The following TRPC4 variants were observed in gnomAD, a reference collection of about 807,000 sequenced individuals.
TRPC4 encodes the protein short transient receptor potential channel 4.
A neutral mutation model predicts 99.4 loss-of-function variants in TRPC4; 49 were observed. The observed-to-expected ratio is 0.49, with a 90% CI of 0.39 to 0.63. The LOEUF is 0.63. Ranked by LOEUF, TRPC4 falls within the 20% of genes least tolerant of loss-of-function variation. TRPC4 has a pLI of 0.00. For missense variants in TRPC4, 898 were observed against 1,152.9 expected (o/e 0.78, Z 3.20); for synonymous variants, 454 against 425.9 (o/e 1.07, Z -0.81).
At chr13:37,702,530 T>C (rs1015563449) in intron 3 of TRPC4, among the ~76,000 whole-genome samples, 5 of 152,196 alleles carry the variant, frequency 3.3e-5, no homozygotes, top group African/African-American at 4.8e-5. Context: ...TTAGCCTAAA[T>C]TAATGTTCTG....
intron 3 of TRPC4, among the ~76,000 whole-genome samples, chr13:37,700,590 C>T (rs576638488): frequency 6.6e-6 from 1 of 152,176 alleles, no homozygotes; most frequent in Admixed American, 6.5e-5. Context: ...TTTGCTTTTC[C>T]CTTCTCTATT....
In TRPC4 at chr13:37,633,423, C is replaced by A. The variant is rs1031081392; in HGVS notation, c.*3480G>T. Among the ~76,000 whole-genome samples, 7 of 152,108 alleles carry A rather than the reference C, an allele frequency of 4.6e-5. No individual in the cohort carries two copies. The highest frequency in any genetic ancestry group is 7.4e-5 in the Non-Finnish European group (5 of 68,014). ...ATGAGGACTAAGAATGGACAGATTTCAAAACTTGGTGGCCTCTCTTCAATA... is the reference window on the plus strand; with the variant it reads ...ATGAGGACTAAGAATGGACAGATTTAAAAACTTGGTGGCCTCTCTTCAATA... On this transcript the variant is annotated 3_prime_UTR_variant, in exon 11 of 11. Transcript: ENST00000379705.
At chr13:37,678,405 A>C (rs1344729662) in intron 4 of TRPC4, among the ~76,000 whole-genome samples, 2 of 152,074 alleles carry the variant, frequency 1.3e-5, no homozygotes, top group Non-Finnish European at 2.9e-5. Context: ...ATAAATAATC[A>C]ATATCAGAAA....
At chr13:37,660,475 T>C (rs957089544) in intron 6 of TRPC4, among the ~76,000 whole-genome samples, 1 of 152,222 alleles carries the variant, frequency 6.6e-6, no homozygotes, top group Non-Finnish European at 1.5e-5. Flanking sequence ...AAATAAGATA[T>C]CTTGTATAGG....
At chr13:37,671,461 A>C (rs949804970) in intron 5 of TRPC4, among the ~76,000 whole-genome samples, 1 of 152,154 alleles carries the variant, frequency 6.6e-6, no homozygotes, top group African/African-American at 2.4e-5. Context: ...GTGTGGACCT[A>C]GAGCTCAAAC....
chr13:37,655,057 C>A, intron 7 of TRPC4, 31 bp downstream of exon 7: 1 of 1,435,356 alleles, frequency 7.0e-7, no homozygotes, highest in Non-Finnish European at 9.3e-7. Flanking sequence ...CTAGAGGAAA[C>A]ATTGAATTAA....
At chr13:37,650,610 T>TCTACACACACACACACACAC (rs763182248) in intron 8 of TRPC4, among the ~76,000 whole-genome samples, 1 of 65,130 alleles carries the variant, frequency 1.5e-5, no homozygotes, top group East Asian at 9.9e-4. Flanking sequence ...TCTCTCTCTC[T>TCTACACACACACACACACAC]ATACACACAC....
intron 1 of TRPC4, among the ~76,000 whole-genome samples, chr13:37,803,538 C>A (rs1226284255): frequency 6.6e-6 from 1 of 152,044 alleles, no homozygotes; most frequent in East Asian, 1.9e-4. Flanking sequence ...GTTTTCATTT[C>A]TCCATTCAAT....
intron 1 of TRPC4, among the ~76,000 whole-genome samples, chr13:37,819,357 T>G (rs1388244367): frequency 6.6e-6 from 1 of 152,194 alleles, no homozygotes; most frequent in South Asian, 2.1e-4. Flanking sequence ...CATATTATTC[T>G]AATAAAAGAC....
chr13:37,715,838 G>A (rs1954643888), intron 3 of TRPC4, among the ~76,000 whole-genome samples: 2 of 152,088 alleles, frequency 1.3e-5, no homozygotes, highest in South Asian at 2.1e-4. Context: ...ATTAAAAATT[G>A]TCTATCTCTC....
chr13:37,836,188 G>A (rs143963285), intron 1 of TRPC4, among the ~76,000 whole-genome samples: 1,601 of 152,230 alleles, frequency 0.011, 21 homozygotes, highest in African/African-American at 0.037. Context: ...GGAACTGTAA[G>A]TCCATTAAAC....
At chr13:37,855,652 C>T (rs1451772383) in intron 1 of TRPC4, among the ~76,000 whole-genome samples, 1 of 150,238 alleles carries the variant, frequency 6.7e-6, no homozygotes, top group Admixed American at 6.6e-5. Context: ...AGTCTTAAAA[C>T]ATTCAAAAAA....
chr13:37,856,818 T>C (rs1422237744), intron 1 of TRPC4, among the ~76,000 whole-genome samples: 4 of 151,638 alleles, frequency 2.6e-5, no homozygotes, highest in Non-Finnish European at 5.9e-5. Flanking sequence ...CAATTGATTC[T>C]GAAAAAGTAT....
chr13:37,781,655 A>C (rs1457594449), intron 2 of TRPC4, among the ~76,000 whole-genome samples: 1 of 152,116 alleles, frequency 6.6e-6, no homozygotes, highest in Non-Finnish European at 1.5e-5. Context: ...ATATAATGAG[A>C]GTAATCCACA....
chr13:37,649,689 G>A (rs761600979), intron 8 of TRPC4, among the ~76,000 whole-genome samples: 6 of 121,826 alleles, frequency 4.9e-5, no homozygotes, highest in Non-Finnish European at 6.3e-5. Flanking sequence ...TCGCGATCAT[G>A]CCACTGCACT....
intron 2 of TRPC4, among the ~76,000 whole-genome samples, chr13:37,774,942 C>G (rs1956657000): frequency 1.4e-5 from 2 of 139,844 alleles, no homozygotes; most frequent in African/African-American, 5.3e-5. Flanking sequence ...TACTATTATT[C>G]CTAAATGATT....
intron 5 of TRPC4, among the ~76,000 whole-genome samples, chr13:37,669,709 T>G (rs1178339563): frequency 6.6e-6 from 1 of 152,214 alleles, no homozygotes; most frequent in Non-Finnish European, 1.5e-5. Context: ...TTGTTATTAT[T>G]GTTTTACAGC....
At chr13:37,791,238 G>GA (rs566275393) in intron 1 of TRPC4, among the ~76,000 whole-genome samples, 1 of 150,950 alleles carries the variant, frequency 6.6e-6, no homozygotes, top group East Asian at 1.9e-4. Context: ...CTAAAAATAT[G>GA]AAAAAAAATT....
At chr13:37,786,711 G>C (rs1485987151) in intron 1 of TRPC4, among the ~76,000 whole-genome samples, 1 of 151,996 alleles carries the variant, frequency 6.6e-6, no homozygotes, top group Non-Finnish European at 1.5e-5. Context: ...GAGGGGAAAT[G>C]ATTTCTTCCC....
Sources: gnomAD v4.1 joint callset for allele counts (sites outside exome capture counted in the v4.1 genomes callset) on GRCh38, gnomAD v4.1.1 for gene constraint, MANE v1.5 for transcripts, NCBI Gene and HGNC (gene_info 2026-07-23, HGNC 2026-07-21) for gene names.